The following FAM117A variants were observed in gnomAD, a reference collection of about 807,000 sequenced individuals.
FAM117A encodes the protein protein FAM117A.
A neutral mutation model predicts 44.1 loss-of-function variants in FAM117A; 21 were observed. That is an observed-to-expected ratio of 0.48 (90% CI 0.34 to 0.69). The LOEUF is 0.69. Ranked by LOEUF, FAM117A falls within the 30% of genes least tolerant of loss-of-function variation. FAM117A has a pLI of 0.01. For synonymous variants in FAM117A, 220 were observed against 238.3 expected, an observed-to-expected ratio of 0.92 and a Z score of 0.71; for missense variants, 498 against 589.9, an observed-to-expected ratio of 0.84 and a Z score of 1.61.
intron 7 of FAM117A, among the ~76,000 whole-genome samples, chr17:49,712,002 CGG>C (rs993514246): frequency 2.6e-5 from 4 of 152,134 alleles, no homozygotes; most frequent in Admixed American, 6.5e-5. Context: ...AAAAATTAGC[CGG>C]GTGTGGCAGC....
At chr17:49,742,311 A>T (rs1307066550) in intron 1 of FAM117A, among the ~76,000 whole-genome samples, 1 of 152,220 alleles carries the variant, frequency 6.6e-6, no homozygotes, top group Non-Finnish European at 1.5e-5. Context: ...GAGACAGGCC[A>T]AGAGAAACCC....
At chr17:49,764,818 C>T (rs1036088682), upstream of FAM117A, among the ~76,000 whole-genome samples, 2 of 152,130 alleles carry the variant, frequency 1.3e-5, no homozygotes, top group African/African-American at 4.8e-5. Flanking sequence ...TCCACGTTTC[C>T]AAGTCCCTAC....
chr17:49,726,401 G>A (rs900171421), intron 2 of FAM117A, among the ~76,000 whole-genome samples: 26 of 152,116 alleles, frequency 1.7e-4, no homozygotes, highest in African/African-American at 5.8e-4. Flanking sequence ...TAGTAGAGAC[G>A]GGGTTTCACC....
At chr17:49,779,719 G>C (rs939308194) in intron 1 of FAM117A, among the ~76,000 whole-genome samples, 7 of 152,182 alleles carry the variant, frequency 4.6e-5, no homozygotes, top group Admixed American at 1.3e-4. Flanking sequence ...TTAGGCCTCA[G>C]GACTGTTGGG....
chr17:49,783,789 C>T (rs759066191), intron 1 of FAM117A, among the ~76,000 whole-genome samples: 1 of 152,186 alleles, frequency 6.6e-6, no homozygotes, highest in Non-Finnish European at 1.5e-5. Context: ...TGAGATTGAC[C>T]TGGCTACACT....
Position 49,784,257 on chromosome 17 carries a change from A to C in FAM117A, c.-621+4240T>G, listed in dbSNP as rs1418072503. Among the ~76,000 whole-genome samples the C allele has an allele frequency of 3.9e-5, 6 of 152,288 alleles. No individual in the cohort carries two copies. In the East Asian group the frequency reaches 9.6e-4, roughly 24 times the overall value. On this transcript the variant is annotated intron_variant, in intron 1 of 7. Coordinates refer to the FAM117A transcript ENST00000513602. ...GAAATAACACAAGCACATACACACA[A>C]AAGATTGCCCCCACTCCCAGTGCCT... is the stretch of plus-strand genomic sequence containing the variant.
chr17:49,788,750 G>T, upstream of FAM117A: 2 of 1,455,506 alleles, frequency 1.4e-6, no homozygotes, highest in South Asian at 2.5e-5. Flanking sequence ...CTGATACAGA[G>T]GCCGCCACGG....
chr17:49,761,475 T>A (rs908524868), intron 1 of FAM117A, among the ~76,000 whole-genome samples: 1 of 152,222 alleles, frequency 6.6e-6, no homozygotes, highest in East Asian at 1.9e-4. Flanking sequence ...TTTAAGCACT[T>A]TCTATCTATT....
Position 49,763,960 on chromosome 17 carries a change from G to C in FAM117A, c.128C>G (p.Pro43Arg). The change falls in exon 1 of 8, where the codon CCG becomes CGG. Residue 43 changes from proline (P) to arginine (R), a missense_variant. Physicochemically the swap from Pro to Arg is moderately radical, Grantham distance 103. Coordinates refer to ENST00000240364, the MANE Select transcript of FAM117A (RefSeq NM_030802.4). ...CTGGAAGGGGATCGTGGCCCTGAGC[G>C]GCTGCAGCCCAGCCCGGGGGGAGCC... is the stretch of plus-strand genomic sequence containing the variant. ...PAGSPRAGLQPLRATIPFQLQ... is the reference protein window; with the variant it reads ...PAGSPRAGLQRLRATIPFQLQ... 1.6e-6 allele frequency: 2 copies of C among 1,233,146 alleles called. No homozygotes were observed. The highest frequency in any genetic ancestry group is 4.0e-5 in the South Asian group (1 of 25,124). 76.4% of individuals were successfully genotyped at this position (1,233,146 alleles called of 1,614,324 possible).
chr17:49,718,335 C>G (rs540357023), intron 5 of FAM117A, among the ~76,000 whole-genome samples: 11 of 152,332 alleles, frequency 7.2e-5, no homozygotes, highest in African/African-American at 2.4e-4. Flanking sequence ...TAATATTGGC[C>G]AACTGGCATT....
At chr17:49,754,757 G>A (rs996607035) in intron 1 of FAM117A, among the ~76,000 whole-genome samples, 2 of 151,922 alleles carry the variant, frequency 1.3e-5, no homozygotes, top group East Asian at 2.0e-4. Context: ...AGCCGTTTTC[G>A]GCCAGGTGCA....
rs578117364 is a variant in FAM117A at position 49,744,742 on chromosome 17, G to A, written c.197-12022C>T. Among the ~76,000 whole-genome samples, 6 of 151,734 alleles carry A rather than the reference G, an allele frequency of 4.0e-5. No individual in the cohort carries two copies. The East Asian group carries it at 9.7e-4, about 25-fold the overall frequency. On this transcript the variant is annotated intron_variant, in intron 1 of 7. Transcript: ENST00000240364. ...AATGACAAGACAAGAAACCAGGCAT[G>A]GTGGCTCACACCTGTCATCCCAGCA...
chr17:49,749,826 C>A (rs973424654), intron 1 of FAM117A, among the ~76,000 whole-genome samples: 4 of 148,274 alleles, frequency 2.7e-5, no homozygotes, highest in African/African-American at 7.3e-5. Flanking sequence ...CCTGGTCCAG[C>A]TAGAGTAGTA....
chr17:49,785,514 AAAAAACAAAAAAC>A (rs1164517371), intron 1 of FAM117A, among the ~76,000 whole-genome samples: 1 of 151,996 alleles, frequency 6.6e-6, no homozygotes, highest in Non-Finnish European at 1.5e-5. Flanking sequence ...ACTGTCTCTT[AAAAAACAAAAAAC>A]AAAAACAAAA....
At chr17:49,751,930 TG>T (rs2073679147) in intron 1 of FAM117A, among the ~76,000 whole-genome samples, 1 of 108,908 alleles carries the variant, frequency 9.2e-6, no homozygotes, top group Admixed American at 1.4e-4. Context: ...GGCAACAGAG[TG>T]AGACTCCATC....
intron 1 of FAM117A, among the ~76,000 whole-genome samples, chr17:49,784,398 T>C (rs948435910): frequency 6.6e-6 from 1 of 152,146 alleles, no homozygotes; most frequent in Non-Finnish European, 1.5e-5. Context: ...CAGAAAGAGA[T>C]TGCTAAAATG....
chr17:49,751,280 A>AG (rs1491384245), intron 1 of FAM117A, among the ~76,000 whole-genome samples: 1 of 129,836 alleles, frequency 7.7e-6, no homozygotes, highest in Non-Finnish European at 1.7e-5. Context: ...ATCTGTCTCC[A>AG]AAAAAAAAAA....
chr17:49,768,797 C>T (rs982432741), upstream of FAM117A, among the ~76,000 whole-genome samples: 4 of 152,228 alleles, frequency 2.6e-5, no homozygotes, highest in African/African-American at 7.2e-5. Context: ...TTCCCTCTTA[C>T]TCTCAGGGTA....
Position 49,721,373 on chromosome 17 carries a change from A to G in FAM117A, c.463-937T>C, listed in dbSNP as rs146799167. On this transcript the variant is annotated intron_variant, in intron 3 of 7. Coordinates refer to ENST00000240364, the MANE Select transcript of FAM117A (RefSeq NM_030802.4). ...GAGAGTAGATCTGCTACCCACAGCC[A>G]TAAGATTTATGACTAGAGCCAAGAA... 3.0e-3 allele frequency among the ~76,000 whole-genome samples: 454 copies of G among 152,340 alleles called. 4 individuals carry two copies. The highest frequency in any genetic ancestry group is 0.01 in the African/African-American group (425 of 41,584).
Sources: allele counts gnomAD v4.1 joint callset (sites outside exome capture counted in the v4.1 genomes callset), GRCh38; gene constraint gnomAD v4.1.1; transcripts MANE v1.5; gene names NCBI Gene and HGNC (gene_info 2026-07-23, HGNC 2026-07-21).